The following C8orf34 variants were observed in gnomAD, a reference collection of about 807,000 sequenced individuals.
C8orf34 encodes uncharacterized protein C8orf34.
Under a neutral mutation model 68.3 loss-of-function variants are expected in C8orf34, and 65 were observed. The observed-to-expected ratio is 0.95, with a 90% confidence interval of 0.78 to 1.17. The LOEUF (loss-of-function observed/expected upper bound fraction) is 1.17. Among genes scored for constraint, C8orf34 ranks in the 50% most tolerant of loss-of-function variants. The probability of loss-of-function intolerance (pLI) is 0.00; values close to 1 mark genes in which losing one functional copy is unlikely to be tolerated. For synonymous variants in C8orf34, 244 were observed against 241.2 expected (o/e 1.01, Z -0.11); for missense variants, 664 against 655.4 (o/e 1.01, Z -0.14).
At chr8:68,747,832 T>C (rs1822555722) in intron 10 of C8orf34, among the ~76,000 whole-genome samples, 1 of 151,890 alleles carries the variant, frequency 6.6e-6, no homozygotes, top group Non-Finnish European at 1.5e-5. Flanking sequence ...ATAGATTCAA[T>C]GCCATCCCCA....
At chr8:68,692,679 A>G (rs1820719781) in intron 8 of C8orf34, among the ~76,000 whole-genome samples, 6 of 152,084 alleles carry the variant, frequency 3.9e-5, no homozygotes, top group Non-Finnish European at 8.8e-5. Context: ...TCCAGAAAAT[A>G]AGGATCTAAA....
intron 10 of C8orf34, among the ~76,000 whole-genome samples, chr8:68,728,585 C>T (rs1486066332): frequency 6.6e-6 from 1 of 152,200 alleles, no homozygotes; most frequent in Non-Finnish European, 1.5e-5. Flanking sequence ...ACACTTCTTA[C>T]ATGGCAGTGG....
chr8:68,558,340 A>T (rs1308683666), intron 7 of C8orf34, among the ~76,000 whole-genome samples: 1 of 147,430 alleles, frequency 6.8e-6, no homozygotes, highest in African/African-American at 2.7e-5. Context: ...ACTAATCTTA[A>T]ATAGAAATAA....
chr8:68,527,487 G>A (rs536383597), intron 6 of C8orf34, among the ~76,000 whole-genome samples: 5 of 152,290 alleles, frequency 3.3e-5, no homozygotes, highest in African/African-American at 1.2e-4. Context: ...CAGGAGAATG[G>A]CGTGAACCCG....
chr8:68,673,041 C>T (rs1820066114), intron 8 of C8orf34, among the ~76,000 whole-genome samples: 1 of 152,134 alleles, frequency 6.6e-6, no homozygotes, highest in Non-Finnish European at 1.5e-5. Flanking sequence ...AACTCACTGC[C>T]TTGAAGGTAA....
intron 6 of C8orf34, among the ~76,000 whole-genome samples, chr8:68,522,267 A>G (rs536242441): frequency 9.2e-5 from 14 of 152,272 alleles, no homozygotes; most frequent in African/African-American, 3.4e-4. Flanking sequence ...ACCTACTATA[A>G]TATTGGACAG....
At chr8:68,429,843 A>G (rs1459072504) in intron 1 of C8orf34, among the ~76,000 whole-genome samples, 3 of 152,326 alleles carry the variant, frequency 2.0e-5, no homozygotes, top group African/African-American at 7.2e-5. Context: ...GACAACAGGC[A>G]AAAGTGAACT....
chr8:68,806,928 G>A (rs139964294), intron 12 of C8orf34, among the ~76,000 whole-genome samples: 3 of 152,142 alleles, frequency 2.0e-5, no homozygotes, highest in African/African-American at 7.2e-5. Context: ...ATTTACCTGG[G>A]GCTGGAGATA....
rs549176317 is a variant in C8orf34 at position 68,589,822 on chromosome 8, G to GAAGA, written c.1106-50551_1106-50550insAAAG. On this transcript the variant is annotated intron_variant, in intron 7 of 13. Coordinates refer to ENST00000518698, the MANE Select transcript of C8orf34 (RefSeq NM_052958.4). ...GAATCAGGAAGGAGGGAGGGAAGGG[G>GAAGA]AAGGAAGGAAGGAAGTAAAAAGAAA... 2.8e-5 allele frequency among the ~76,000 whole-genome samples: 4 copies of GAAGA among 144,068 alleles called. No homozygotes were observed. The East Asian group carries it at 8.6e-4, about 31-fold the overall frequency. The allele number at this position is 144,068 out of a possible 152,430, so 94.5% of individuals were successfully genotyped here.
In C8orf34 at chr8:68,480,861, G is replaced by A. The variant is rs1296807542; in HGVS notation, c.737-7162G>A. ...AGGCATTCTGTTTTTTATAAGGGGA[G>A]TAGAGCATAAAAGTTTGGAAAATTT... On this transcript the variant is annotated intron_variant, in intron 4 of 13. Coordinates refer to ENST00000518698, the MANE Select transcript of C8orf34 (RefSeq NM_052958.4). 2.0e-5 allele frequency among the ~76,000 whole-genome samples: 3 copies of A among 152,312 alleles called. No homozygotes were observed. In the East Asian group the frequency reaches 5.8e-4, roughly 29 times the overall value.
intron 1 of C8orf34, among the ~76,000 whole-genome samples, chr8:68,380,969 A>C (rs2129620198): frequency 6.6e-6 from 1 of 152,344 alleles, no homozygotes; most frequent in Admixed American, 6.5e-5. Context: ...TATAAGCAAA[A>C]AAATGACAGT....
intron 1 of C8orf34, among the ~76,000 whole-genome samples, chr8:68,370,736 G>A (rs1437525310): frequency 6.6e-6 from 1 of 152,140 alleles, no homozygotes; most frequent in African/African-American, 2.4e-5. Flanking sequence ...CAAACTGTTA[G>A]TACCTGAGAG....
chr8:68,331,177 C>T lies in C8orf34; in HGVS notation c.165C>T (p.Pro55=), dbSNP rs1270064519. The change falls in exon 1 of 14, where the codon CCC becomes CCT. Residue 55 remains proline, a synonymous_variant. Transcript: ENST00000518698. ...AGCCGAGGCTCCGGAGCTCCTGTCC[C>T]GGCCCCAGTCCGGGTAAAAGGAGGG... The part of the protein sequence containing the change: ...AGQPRLRSSC[P]GPSPGKRRVV... The T allele has an allele frequency of 2.0e-6, 3 of 1,532,846 alleles. No individual in the cohort carries two copies. The highest frequency in any genetic ancestry group is 2.7e-5 in the African/African-American group (2 of 73,066). The allele number at this position is 1,532,846 out of a possible 1,614,324, so 95.0% of individuals were successfully genotyped here. A position where few individuals can be genotyped will look rare whatever the true frequency, so the allele number is the denominator to read the frequency against.
intron 1 of C8orf34, among the ~76,000 whole-genome samples, chr8:68,334,959 C>T (rs1805784815): frequency 6.6e-6 from 1 of 152,164 alleles, no homozygotes; most frequent in Admixed American, 6.5e-5. Context: ...CTCCAATTTG[C>T]TGCCAACCCT....
chr8:68,672,794 T>G, intron 8 of C8orf34, among the ~76,000 whole-genome samples: 1 of 152,156 alleles, frequency 6.6e-6, no homozygotes, highest in East Asian at 1.9e-4. Flanking sequence ...CACAGGTGGC[T>G]AAAGGAGTGC....
chr8:68,757,361 G>A (rs1267695055), intron 10 of C8orf34, among the ~76,000 whole-genome samples: 2 of 152,090 alleles, frequency 1.3e-5, no homozygotes, highest in East Asian at 3.9e-4. Context: ...CGGGCGCAGT[G>A]GCTCATGCCT....
chr8:68,335,865 A>G (rs1188123581), intron 1 of C8orf34, among the ~76,000 whole-genome samples: 1 of 152,162 alleles, frequency 6.6e-6, no homozygotes, highest in Non-Finnish European at 1.5e-5. Flanking sequence ...GGATCACTTG[A>G]GGTCAGGAGT....
At chr8:68,745,801 C>G (rs1563644425) in intron 10 of C8orf34, among the ~76,000 whole-genome samples, 2 of 152,058 alleles carry the variant, frequency 1.3e-5, no homozygotes, top group Non-Finnish European at 2.9e-5. Flanking sequence ...CTTTAACACC[C>G]CACTATCAAC....
At chr8:68,381,200 T>TAA (rs1030517928) in intron 1 of C8orf34, among the ~76,000 whole-genome samples, 11 of 152,202 alleles carry the variant, frequency 7.2e-5, no homozygotes, top group African/African-American at 2.7e-4. Context: ...TATTTTTCTT[T>TAA]AAAAAGGGAA....
Sources: gnomAD v4.1 joint callset for allele counts (sites outside exome capture counted in the v4.1 genomes callset) on GRCh38, gnomAD v4.1.1 for gene constraint, MANE v1.5 for transcripts, NCBI Gene and HGNC (gene_info 2026-07-23, HGNC 2026-07-21) for gene names.